The following TENT4B variants were observed in gnomAD, a reference collection of about 807,000 sequenced individuals.
The protein encoded by TENT4B is terminal nucleotidyltransferase 4B.
In TENT4B, 10 loss-of-function variants were observed where a neutral mutation model predicts 75.0. The ratio of observed to expected loss-of-function variants is 0.13; its 90% CI spans 0.08 to 0.23. The LOEUF is 0.23. TENT4B is among the 10% of genes least tolerant of loss of function. The pLI is 1.00. For synonymous variants in TENT4B, 350 were observed against 357.7 expected (o/e 0.98, Z 0.24); for missense variants, 579 against 893.8 (o/e 0.65, Z 4.49).
intron 10 of TENT4B, among the ~76,000 whole-genome samples, chr16:50,225,624 C>G (rs1445220732): frequency 3.3e-5 from 5 of 151,940 alleles, no homozygotes; most frequent in African/African-American, 9.7e-5. Context: ...ATCAGTTCCC[C>G]TAGAGTACTG....
intron 1 of TENT4B, among the ~76,000 whole-genome samples, chr16:50,158,055 A>G (rs1194284604): frequency 1.3e-5 from 2 of 151,848 alleles, no homozygotes; most frequent in Non-Finnish European, 2.9e-5. Context: ...GTGAGCCACC[A>G]TGCCTGGCCT....
intron 1 of TENT4B, among the ~76,000 whole-genome samples, chr16:50,203,370 T>C (rs1230282332): frequency 6.6e-6 from 1 of 152,220 alleles, no homozygotes; most frequent in Non-Finnish European, 1.5e-5. Flanking sequence ...CTGGAGAGCT[T>C]CCTATTTAGG....
rs1031471731 is a variant in TENT4B at position 50,233,817 on chromosome 16, T to C, written c.*4489T>C. 1.0e-6 allele frequency: 1 copy of C among 985,310 alleles called. No individual in the cohort carries two copies. The highest frequency in any genetic ancestry group is 1.7e-5 in the African/African-American group (1 of 57,236). The allele number at this position is 985,310 out of a possible 1,614,324, so 61.0% of individuals were successfully genotyped here. On this transcript the variant is annotated 3_prime_UTR_variant, in exon 12 of 12. Transcript: ENST00000561678. ...AACCAGAGAGATGGATGTAGTGCAT[T>C]CCCTTTGGTTATTACACATTTGTGG...
intron 2 of TENT4B, among the ~76,000 whole-genome samples, chr16:50,212,873 G>A (rs1367334081): frequency 6.6e-6 from 1 of 152,050 alleles, no homozygotes; most frequent in Non-Finnish European, 1.5e-5. Context: ...ACCCCCAAAT[G>A]CCAATGTTGA....
intron 1 of TENT4B, among the ~76,000 whole-genome samples, chr16:50,172,574 A>C (rs183302582): frequency 1.4e-5 from 2 of 147,236 alleles, no homozygotes; most frequent in Non-Finnish European, 3.0e-5. Flanking sequence ...TAGTTTCTCT[A>C]TCTCCCTCAC....
chr16:50,164,771 G>T, intron 1 of TENT4B, among the ~76,000 whole-genome samples: 1 of 152,048 alleles, frequency 6.6e-6, no homozygotes. Flanking sequence ...TGGGCATGGT[G>T]GCTCACCTGG....
chr16:50,174,849 T>G lies in TENT4B; in HGVS notation c.638+20590T>G, dbSNP rs970907249. On this transcript the variant is annotated intron_variant, in intron 1 of 11. Coordinates refer to ENST00000561678, the MANE Select transcript of TENT4B (RefSeq NM_001365324.3). ...GCTTCCGCCTCCCAGGTTTAAGCAA[T>G]TCTCTGCCTCAGCCTCCCGAGTAGC... Among the ~76,000 whole-genome samples the G allele has an allele frequency of 4.0e-5, 6 of 149,402 alleles. No homozygotes were observed. In the East Asian group the frequency reaches 1.3e-3, roughly 31 times the overall value.
In TENT4B at chr16:50,153,770, G is replaced by A; in HGVS notation, c.149G>A (p.Gly50Asp). 9.1e-7 allele frequency: 1 copy of A among 1,098,278 alleles called. No individual in the cohort carries two copies. Among genetic ancestry groups the A allele is most frequent in the South Asian group, 3.9e-5 (1 of 25,418 alleles). 68.0% of individuals were successfully genotyped at this position (1,098,278 alleles called of 1,614,324 possible). A position where few individuals can be genotyped will look rare whatever the true frequency, so the allele number is the denominator to read the frequency against. ...AGCGGCGGCGCGAGCGGCGGCGGCG[G>A]CAGCAGCAGCAGCAGCAGCACGGCC... ...HSSGGASGGGGSSSSSSTATG... is the reference protein window; with the variant it reads ...HSSGGASGGGDSSSSSSTATG... The change falls in exon 1 of 12, where the codon GGC (glycine) becomes GAC (aspartate). Residue 50 changes from glycine to aspartate, a missense_variant. Transcript: ENST00000561678.
intron 10 of TENT4B, among the ~76,000 whole-genome samples, chr16:50,226,443 G>GT (rs2032058417): frequency 1.3e-5 from 2 of 150,646 alleles, no homozygotes; most frequent in African/African-American, 2.4e-5. Context: ...GTTTTGTTTT[G>GT]TTTTTTGAGA....
Position 50,232,543 on chromosome 16 carries a change from T to C in TENT4B, c.*3215T>C, listed in dbSNP as rs1167440326. On this transcript the variant is annotated 3_prime_UTR_variant, in exon 12 of 12. Coordinates refer to ENST00000561678, the MANE Select transcript of TENT4B (RefSeq NM_001365324.3). The stretch of plus-strand genomic sequence containing the variant: ...TCTGCTCCTTCCCTCCCCCATGAAA[T>C]GGTAAGTGTGACTTGTGTTTGCCTG... The C allele has an allele frequency of 2.0e-6, 2 of 985,264 alleles. No individual in the cohort carries two copies. The highest frequency in any genetic ancestry group is 2.4e-6 in the Non-Finnish European group (2 of 829,940). 61.0% of individuals were successfully genotyped at this position (985,264 alleles called of 1,614,324 possible).
chr16:50,207,056 C>T (rs1395303377), intron 1 of TENT4B, among the ~76,000 whole-genome samples: 5 of 148,918 alleles, frequency 3.4e-5, no homozygotes, highest in African/African-American at 9.9e-5. Context: ...AATTTTGTTT[C>T]TCTTGCTCTC....
intron 11 of TENT4B, 134 bp from the exon 12 acceptor site, chr16:50,229,018 A>G: frequency 6.8e-7 from 1 of 1,473,844 alleles, no homozygotes; most frequent in Non-Finnish European, 9.0e-7. Flanking sequence ...CCCACTAGAT[A>G]AGTCAGTGAT....
At chr16:50,202,812 G>T (rs1174896169) in intron 1 of TENT4B, among the ~76,000 whole-genome samples, 1 of 152,150 alleles carries the variant, frequency 6.6e-6, no homozygotes, top group Non-Finnish European at 1.5e-5. Flanking sequence ...AAAGAAAGAG[G>T]CCTGGGGAGA....
intron 1 of TENT4B, among the ~76,000 whole-genome samples, chr16:50,174,834 C>G (rs1196975516): frequency 6.6e-6 from 1 of 151,442 alleles, no homozygotes; most frequent in East Asian, 1.9e-4. Context: ...GCTTCCGCCT[C>G]CCAGGTTTAA....
At chr16:50,189,471 C>T (rs1567493162) in intron 1 of TENT4B, among the ~76,000 whole-genome samples, 1 of 152,138 alleles carries the variant, frequency 6.6e-6, no homozygotes, top group African/African-American at 2.4e-5. Context: ...GAAAGAACCT[C>T]CAACTCTCCA....
In TENT4B at chr16:50,229,200, A is replaced by G; in HGVS notation, c.2014A>G (p.Thr672Ala). The G allele has an allele frequency of 6.2e-7, 1 of 1,613,980 alleles. No homozygotes were observed. Among genetic ancestry groups the G allele is most frequent in the Non-Finnish European group, 8.5e-7 (1 of 1,179,866 alleles). ...FRSSSKGFQG[T>A]TQTSHGSLMT... ...TTCTTCCAGCAAAGGCTTCCAAGGT[A>G]CAACTCAAACAAGCCATGGTTCCTT... is the stretch of plus-strand genomic sequence containing the variant. The change falls in exon 12 of 12, where the codon ACA (threonine) becomes GCA (alanine). Residue 672 changes from threonine to alanine, a missense_variant. This residue lies in a region of TENT4B where 164 missense variants were observed against 226.5 expected (regional missense o/e 0.72). Coordinates refer to ENST00000561678, the MANE Select transcript of TENT4B (RefSeq NM_001365324.3).
chr16:50,153,604 A>C lies in TENT4B; in HGVS notation c.-18A>C, dbSNP rs1468445264. On this transcript the variant is annotated 5_prime_UTR_variant, in exon 1 of 12. Transcript: ENST00000561678. ...GCGGGCGGCCGGGAGGGGCGGGGGC[A>C]GCGGCCGCCGCCGTTTGATGGATCC... 1.4e-5 allele frequency: 14 copies of C among 993,044 alleles called. No homozygotes were observed. The African/African-American group carries it at 2.5e-4, about 18-fold the overall frequency. The allele number at this position is 993,044 out of a possible 1,614,324, so 61.5% of individuals were successfully genotyped here.
intron 1 of TENT4B, among the ~76,000 whole-genome samples, chr16:50,200,791 T>A (rs749449069): frequency 6.6e-6 from 1 of 151,270 alleles, no homozygotes. Context: ...TATTTTTGTG[T>A]TTTTTATTTT....
In TENT4B at chr16:50,229,820, A is replaced by T. The variant is rs571645883; in HGVS notation, c.*492A>T. The T allele has an allele frequency of 1.1e-4, 105 of 935,894 alleles. No homozygotes were observed. Among genetic ancestry groups the T allele is most frequent in the Non-Finnish European group, 1.3e-4 (104 of 784,808 alleles). The allele number at this position is 935,894 out of a possible 1,614,324, so 58.0% of individuals were successfully genotyped here. A position where few individuals can be genotyped will look rare whatever the true frequency, so the allele number is the denominator to read the frequency against. ...TATTTTTGCATATATTTACCATTTT[A>T]TTGTGTGTATATATAGAAGACCATA... On this transcript the variant is annotated 3_prime_UTR_variant, in exon 12 of 12. Coordinates refer to ENST00000561678, the MANE Select transcript of TENT4B (RefSeq NM_001365324.3).
Sources: allele counts gnomAD v4.1 joint callset (sites outside exome capture counted in the v4.1 genomes callset), GRCh38; gene constraint gnomAD v4.1.1; regional missense constraint gnomAD v4.1.1; transcripts MANE v1.5; gene names NCBI Gene and HGNC (gene_info 2026-07-23, HGNC 2026-07-21).